The following EHD4 variants were observed in gnomAD, a reference collection of about 807,000 sequenced individuals.
The protein encoded by EHD4 is EH domain-containing protein 4.
Under a neutral mutation model 51.0 loss-of-function variants are expected in EHD4, and 37 were observed. That is an observed-to-expected ratio of 0.73 (90% confidence interval 0.56 to 0.95). The LOEUF (loss-of-function observed/expected upper bound fraction) is 0.95, where lower values mean the gene tolerates loss of function less well. Among genes scored for constraint, EHD4 ranks in the 40% least tolerant of loss-of-function variants. EHD4 has a pLI of 0.00. For missense variants in EHD4, 632 were observed against 733.1 expected (o/e 0.86, Z 1.59); for synonymous variants, 297 against 317.3 (o/e 0.94, Z 0.68).
chr15:41,910,426 G>A (rs1237844049), intron 4 of EHD4, among the ~76,000 whole-genome samples: 2 of 152,202 alleles, frequency 1.3e-5, no homozygotes, highest in African/African-American at 4.8e-5. Context: ...GAGGAGCCCA[G>A]AAGCCCCAGA....
intron 5 of EHD4, among the ~76,000 whole-genome samples, chr15:41,909,115 C>T (rs1453090917): frequency 2.0e-5 from 3 of 152,202 alleles, no homozygotes; most frequent in African/African-American, 4.8e-5. Context: ...AATGCAGCAC[C>T]CATTGTTGCC....
chr15:41,960,725 G>C (rs2067919186), intron 1 of EHD4, among the ~76,000 whole-genome samples: 1 of 146,168 alleles, frequency 6.8e-6, no homozygotes, highest in African/African-American at 2.6e-5. Context: ...CCAGGCTGGA[G>C]TGCAGTGGCA....
intron 2 of EHD4, among the ~76,000 whole-genome samples, chr15:41,943,401 G>C (rs1595541029): frequency 6.6e-6 from 1 of 152,126 alleles, no homozygotes; most frequent in South Asian, 2.1e-4. Flanking sequence ...AGGTATGAGA[G>C]GTGCACAAGC....
chr15:41,917,150 T>C (rs902885542), intron 4 of EHD4, among the ~76,000 whole-genome samples: 9 of 149,286 alleles, frequency 6.0e-5, no homozygotes, highest in Non-Finnish European at 9.0e-5. Flanking sequence ...AGACAGAGTC[T>C]CACTCTGTCG....
At chr15:41,929,803 T>C (rs2067686646) in intron 3 of EHD4, among the ~76,000 whole-genome samples, 2 of 152,174 alleles carry the variant, frequency 1.3e-5, no homozygotes, top group African/African-American at 4.8e-5. Context: ...TAAGCTTCTT[T>C]GAAATAAAAA....
chr15:41,934,567 C>T (rs1245097713), intron 3 of EHD4, among the ~76,000 whole-genome samples: 1 of 152,136 alleles, frequency 6.6e-6, no homozygotes, highest in Non-Finnish European at 1.5e-5. Context: ...CCTCTCGACT[C>T]AGCCTCAAGT....
At chr15:41,917,655 AG>A (rs1209910839) in intron 4 of EHD4, among the ~76,000 whole-genome samples, 1 of 152,204 alleles carries the variant, frequency 6.6e-6, no homozygotes, top group East Asian at 1.9e-4. Flanking sequence ...CCACAAACCA[AG>A]GGATCACCGA....
chr15:41,968,537 A>C (rs1159982164), intron 1 of EHD4, among the ~76,000 whole-genome samples: 3 of 144,614 alleles, frequency 2.1e-5, no homozygotes, highest in Non-Finnish European at 4.5e-5. Flanking sequence ...CGATCCACCT[A>C]CCTCAGTCTC....
At chr15:41,910,713 T>A (rs888979449) in intron 4 of EHD4, among the ~76,000 whole-genome samples, 1 of 152,044 alleles carries the variant, frequency 6.6e-6, no homozygotes, top group Non-Finnish European at 1.5e-5. Flanking sequence ...GGATTACAGG[T>A]GTGCACCACC....
intron 2 of EHD4, among the ~76,000 whole-genome samples, chr15:41,946,764 G>A (rs1016022855): frequency 2.6e-5 from 4 of 152,034 alleles, no homozygotes; most frequent in African/African-American, 9.7e-5. Flanking sequence ...ACAGAAGGAG[G>A]GGGCAAGGAG....
intron 2 of EHD4, among the ~76,000 whole-genome samples, chr15:41,944,414 A>G (rs2067797475): frequency 6.6e-6 from 1 of 152,178 alleles, no homozygotes; most frequent in African/African-American, 2.4e-5. Flanking sequence ...GTGTGGGCAG[A>G]AAGCTAAAAG....
chr15:41,904,116 T>C (rs976862383), intron 5 of EHD4, among the ~76,000 whole-genome samples: 2 of 152,248 alleles, frequency 1.3e-5, no homozygotes, highest in Admixed American at 1.3e-4. Flanking sequence ...CCTACCCCAT[T>C]TCCTTAAGAA....
At chr15:41,913,283 A>C (rs926599800) in intron 4 of EHD4, among the ~76,000 whole-genome samples, 2 of 152,246 alleles carry the variant, frequency 1.3e-5, no homozygotes, top group Non-Finnish European at 2.9e-5. Flanking sequence ...TATGTGTCAA[A>C]GGTGTCTCCA....
At chr15:41,955,445 T>C (rs1595544621) in intron 1 of EHD4, among the ~76,000 whole-genome samples, 1 of 152,064 alleles carries the variant, frequency 6.6e-6, no homozygotes, top group African/African-American at 2.4e-5. Flanking sequence ...GGTGTGTCAC[T>C]TGGCATGAGG....
rs186729336 is a variant in EHD4, at chr15:41,931,066, C to T, written c.512-11444G>A. On this transcript the variant is annotated intron_variant, in intron 3 of 5. Transcript: ENST00000220325. ...CCAGCTAACATAATAAAAAGACCGC[C>T]GCTCCTTTTGATTCCAAAATTCCAC... Among the ~76,000 whole-genome samples, 10 of 152,294 alleles carry T rather than the reference C, an allele frequency of 6.6e-5. 1 individual carries two copies. Among genetic ancestry groups the T allele is most frequent in the Admixed American group, 2.6e-4 (4 of 15,298 alleles).
intron 3 of EHD4, among the ~76,000 whole-genome samples, chr15:41,940,421 C>T (rs776208807): frequency 2.0e-5 from 3 of 152,322 alleles, no homozygotes; most frequent in African/African-American, 7.2e-5. Context: ...TGTTTGCAAT[C>T]GTTTGAGCTG....
intron 4 of EHD4, among the ~76,000 whole-genome samples, chr15:41,912,128 C>T (rs1021906607): frequency 2.0e-5 from 3 of 152,222 alleles, no homozygotes; most frequent in African/African-American, 7.2e-5. Context: ...TAGGCCTTCA[C>T]AGCCCTGATA....
intron 3 of EHD4, among the ~76,000 whole-genome samples, chr15:41,929,119 C>A (rs2067682363): frequency 6.6e-6 from 1 of 152,196 alleles, no homozygotes; most frequent in African/African-American, 2.4e-5. Context: ...GCCACAGAAC[C>A]TACCAAAATT....
chr15:41,948,278 T>C (rs2067828715), intron 2 of EHD4, among the ~76,000 whole-genome samples: 1 of 152,058 alleles, frequency 6.6e-6, no homozygotes, highest in African/African-American at 2.4e-5. Context: ...GATGGTTTAG[T>C]GACCAGGGAA....
Sources: allele counts gnomAD v4.1 joint callset (sites outside exome capture counted in the v4.1 genomes callset), GRCh38; gene constraint gnomAD v4.1.1; transcripts MANE v1.5; gene names NCBI Gene and HGNC (gene_info 2026-07-23, HGNC 2026-07-21).